SHISA9: variants seen among roughly 807,000 people sequenced by gnomAD.
SHISA9 encodes shisa family member 9, also known as protein shisa-9.
In SHISA9, 13 loss-of-function variants were observed where a neutral mutation model predicts 38.0. That is an observed-to-expected ratio of 0.34 (90% CI 0.22 to 0.54). The LOEUF is 0.54. Among genes scored for constraint, SHISA9 ranks in the 20% least tolerant of loss-of-function variants. The pLI, the probability that SHISA9 is intolerant of heterozygous loss-of-function variation, is 0.91. For synonymous variants in SHISA9, 275 were observed against 242.0 expected (o/e 1.14, Z -1.27); for missense variants, 538 against 575.8 (o/e 0.93, Z 0.67).
chr16:13,143,649 T>C (rs2050422136), intron 2 of SHISA9, among the ~76,000 whole-genome samples: 1 of 152,106 alleles, frequency 6.6e-6, no homozygotes, highest in South Asian at 2.1e-4. Context: ...TATATCTCTT[T>C]CCATTGAAGA....
intron 2 of SHISA9, among the ~76,000 whole-genome samples, chr16:12,933,468 T>C (rs955845750): frequency 6.6e-6 from 1 of 152,138 alleles, no homozygotes; most frequent in African/African-American, 2.4e-5. Context: ...CTAATTTTTG[T>C]ACTTTTAGTA....
the SHISA9 span, among the ~76,000 whole-genome samples, chr16:13,408,073 T>G: frequency 1.3e-5 from 2 of 151,176 alleles, no homozygotes; most frequent in African/African-American, 4.8e-5. Flanking sequence ...TGTTGATAAT[T>G]TCTTTTGCTG....
chr16:13,354,556 G>A, the SHISA9 span, among the ~76,000 whole-genome samples: 1 of 150,030 alleles, frequency 6.7e-6, no homozygotes, highest in African/African-American at 2.4e-5. Flanking sequence ...GTATGAGAAC[G>A]AAAATAGATT....
At chr16:12,979,398 G>T (rs889329054) in intron 2 of SHISA9, among the ~76,000 whole-genome samples, 1 of 150,970 alleles carries the variant, frequency 6.6e-6, no homozygotes, top group African/African-American at 2.4e-5. Flanking sequence ...ACTTGCTTTT[G>T]TCTAGTTAAT....
At chr16:13,398,134 G>C in the SHISA9 span, among the ~76,000 whole-genome samples, 1 of 152,126 alleles carries the variant, frequency 6.6e-6, no homozygotes, top group Non-Finnish European at 1.5e-5. Context: ...TGCCTACTAG[G>C]GTCTTGGGTT....
intron 2 of SHISA9, among the ~76,000 whole-genome samples, chr16:13,182,935 C>G (rs533635887): frequency 6.6e-6 from 1 of 152,220 alleles, no homozygotes; most frequent in Non-Finnish European, 1.5e-5. Context: ...GCAGAAGTCA[C>G]CCTGAAGTTG....
chr16:12,983,906 C>T (rs1372218760), intron 2 of SHISA9, among the ~76,000 whole-genome samples: 4 of 152,208 alleles, frequency 2.6e-5, no homozygotes, highest in African/African-American at 9.6e-5. Flanking sequence ...TTTCTTATCA[C>T]CAAATGCTAT....
chr16:13,435,922 A>T, the SHISA9 span, among the ~76,000 whole-genome samples: 1 of 152,324 alleles, frequency 6.6e-6, no homozygotes, highest in African/African-American at 2.4e-5. Flanking sequence ...GGCTCTTCAC[A>T]GGACTCATGT....
At chr16:13,460,217 G>T in the SHISA9 span, among the ~76,000 whole-genome samples, 74 of 152,068 alleles carry the variant, frequency 4.9e-4, no homozygotes, top group East Asian at 9.9e-3. Flanking sequence ...GGGAGATGGG[G>T]GTCTATATGA....
chr16:13,464,566 T>C, the SHISA9 span, among the ~76,000 whole-genome samples: 2 of 152,212 alleles, frequency 1.3e-5, no homozygotes, highest in African/African-American at 4.8e-5. Context: ...GAATTTCATG[T>C]CAATTTTGTT....
At chr16:13,011,634 G>C (rs2072676926) in intron 2 of SHISA9, among the ~76,000 whole-genome samples, 1 of 152,040 alleles carries the variant, frequency 6.6e-6, no homozygotes. Flanking sequence ...CCATTCTCCT[G>C]CCTCAGCCTC....
At chr16:13,399,707 CA>C in the SHISA9 span, among the ~76,000 whole-genome samples, 1 of 152,184 alleles carries the variant, frequency 6.6e-6, no homozygotes, top group Non-Finnish European at 1.5e-5. Flanking sequence ...TATGGTCTTC[CA>C]GCACAGAAAT....
chr16:13,038,276 C>T (rs1020073828), intron 2 of SHISA9, among the ~76,000 whole-genome samples: 5 of 152,222 alleles, frequency 3.3e-5, no homozygotes, highest in African/African-American at 1.2e-4. Context: ...AGGCGTGGGC[C>T]ACCATGCCCA....
chr16:13,238,129 CTCTGTT>C lies in SHISA9; in HGVS notation c.*2730_*2735del, dbSNP rs1199284187. On this transcript the variant is annotated 3_prime_UTR_variant, in exon 5 of 5. Transcript: ENST00000558583. The stretch of plus-strand genomic sequence containing the variant: ...GGGTTCTTTCTTTCTCTCTCCATCT[CTCTGTT>C]TCTGTTTCTCTCTCTCTCTTAAAAT... 3.9e-5 allele frequency: 6 copies of C among 152,204 alleles called. No individual in the cohort carries two copies. Among genetic ancestry groups the C allele is most frequent in the African/African-American group, 1.4e-4 (6 of 41,510 alleles). The allele number at this position is 152,204 out of a possible 1,614,324, so 9.4% of individuals were successfully genotyped here.
the SHISA9 span, among the ~76,000 whole-genome samples, chr16:13,282,458 A>G: frequency 1.3e-5 from 2 of 152,022 alleles, no homozygotes; most frequent in East Asian, 1.9e-4. Flanking sequence ...GTTTAACTAC[A>G]TAGTTCCTGA....
chr16:13,337,238 G>C, the SHISA9 span, among the ~76,000 whole-genome samples: 4 of 152,134 alleles, frequency 2.6e-5, no homozygotes, highest in African/African-American at 9.7e-5. Context: ...TTGCAGGAGG[G>C]ACCCAGTGGG....
chr16:12,944,228 T>C (rs530315782), intron 2 of SHISA9, among the ~76,000 whole-genome samples: 1 of 152,250 alleles, frequency 6.6e-6, no homozygotes, highest in South Asian at 2.1e-4. Context: ...CCTAGTACAA[T>C]GTCTGGCACC....
At chr16:13,057,685 G>T (rs1162431343) in intron 2 of SHISA9, among the ~76,000 whole-genome samples, 1 of 152,122 alleles carries the variant, frequency 6.6e-6, no homozygotes, top group Admixed American at 6.6e-5. Flanking sequence ...CGATACATGT[G>T]CAGAATGTGC....
At chr16:12,910,985 A>G (rs888224223) in intron 1 of SHISA9, 1 of 161,702 alleles carries the variant, frequency 6.2e-6, no homozygotes, top group Admixed American at 6.5e-5. Flanking sequence ...TACTTAGCTT[A>G]CTGATTTCAA....
Sources: gnomAD v4.1 joint callset for allele counts (sites outside exome capture counted in the v4.1 genomes callset) on GRCh38, gnomAD v4.1.1 for gene constraint, MANE v1.5 for transcripts, NCBI Gene and HGNC (gene_info 2026-07-23, HGNC 2026-07-21) for gene names.